The following PTK2B variants were observed in gnomAD, a reference collection of about 807,000 sequenced individuals.
PTK2B encodes protein tyrosine kinase 2 beta.
Under a neutral mutation model 142.9 loss-of-function variants are expected in PTK2B, and 71 were observed. That is an observed-to-expected ratio of 0.50 (90% CI 0.41 to 0.61). The LOEUF (loss-of-function observed/expected upper bound fraction) is 0.61. Among genes scored for constraint, PTK2B ranks in the 20% least tolerant of loss-of-function variants. The pLI is 0.00. For synonymous variants in PTK2B, 519 were observed against 503.4 expected (o/e 1.03, Z -0.42); for missense variants, 1,105 against 1,320.4 (o/e 0.84, Z 2.53).
At chr8:27,374,029 G>A (rs1806516886) in intron 1 of PTK2B, among the ~76,000 whole-genome samples, 1 of 152,016 alleles carries the variant, frequency 6.6e-6, no homozygotes, top group African/African-American at 2.4e-5. Context: ...GACCAAAGCA[G>A]TGAGAAAGCA....
intron 1 of PTK2B, among the ~76,000 whole-genome samples, chr8:27,373,264 T>G (rs1178563415): frequency 1.3e-5 from 2 of 152,126 alleles, no homozygotes; most frequent in African/African-American, 4.8e-5. Context: ...TGAGTCTGTG[T>G]TCAAAGCACA....
Position 27,405,035 on chromosome 8 carries a change from C to CCTCT in PTK2B, c.204+7278_204+7281dup, listed in dbSNP as rs3076734. ...CTCCCTCCCTTCCTCTCTTTCTCTTCCTCTCTCTCTCTCTCTCTCTCTCTC... is the reference window on the plus strand; with the variant it reads ...CTCCCTCCCTTCCTCTCTTTCTCTTCCTCTCTCTCTCTCTCTCTCTCTCTCTCTC... On this transcript the variant is annotated intron_variant, in intron 2 of 30. Transcript: ENST00000346049. 8.2e-3 allele frequency among the ~76,000 whole-genome samples: 983 copies of CCTCT among 119,592 alleles called. 20 individuals carry two copies. The highest frequency in any genetic ancestry group is 0.025 in the South Asian group (82 of 3,250). The allele number at this position is 119,592 out of a possible 152,430, so 78.5% of individuals were successfully genotyped here.
intron 1 of PTK2B, among the ~76,000 whole-genome samples, chr8:27,361,239 T>C (rs1805682622): frequency 6.6e-6 from 1 of 152,124 alleles, no homozygotes; most frequent in African/African-American, 2.4e-5. Context: ...GTTTATTTGA[T>C]ATAGGGTCTT....
At position 27,437,484 on chromosome 8, in the gene PTK2B, T is replaced by A; in HGVS notation, c.1515T>A (p.Tyr505Ter). 1 of 1,610,154 alleles carries A rather than the reference T, an allele frequency of 6.2e-7. No homozygotes were observed. Among genetic ancestry groups the A allele is most frequent in the Non-Finnish European group, 8.5e-7 (1 of 1,177,986 alleles). The change falls in exon 17 of 31, where the codon TAT becomes TAA. Residue 505 changes from tyrosine to a stop codon, truncating the protein, a stop_gained. Transcript: ENST00000346049. LOFTEE classifies it high-confidence loss of function. ...EEPTWIIMEL[Y>*]PYGELGHYLE... ...CCACCTGGATCATCATGGAATTGTA[T>A]CCCTATGGGGAGGTGAGCTGGAGGA...
chr8:27,454,431 G>A lies in PTK2B; in HGVS notation c.2734-100G>A, dbSNP rs188891696. On this transcript the variant is annotated intron_variant, in intron 29 of 30. Transcript: ENST00000346049. ...AGGGGAATTGAGTCCCAGGCCACTC[G>A]CGGGGGACAAGCACCACCCCAGGAG... 1,206 of 1,550,024 alleles carry A rather than the reference G, an allele frequency of 7.8e-4. 2 individuals are homozygous for A. The highest frequency in any genetic ancestry group is 1.0e-3 in the Non-Finnish European group (1,146 of 1,128,602).
In PTK2B at chr8:27,422,325, C is replaced by T. The variant is rs923237640; in HGVS notation, c.493C>T (p.Arg165Cys). The T allele has an allele frequency of 5.6e-6, 9 of 1,613,670 alleles. No individual in the cohort carries two copies. The South Asian group carries it at 7.7e-5, about 14-fold the overall frequency. ...CCAGCTCCGGAACGACTACATGCAGCGCTACGCCAGCAAGGTCAGCGAGGG... is the reference window on the plus strand; with the variant it reads ...CCAGCTCCGGAACGACTACATGCAGTGCTACGCCAGCAAGGTCAGCGAGGG... ...YQQLRNDYMQ[R>C]YASKVSEGMA... Residue 165 changes from arginine (R) to cysteine (C), a missense_variant, in exon 5 of 31, where the codon CGC (arginine) becomes TGC (cysteine). Transcript: ENST00000346049.
At chr8:27,447,389 C>T (rs1007117527) in intron 24 of PTK2B, among the ~76,000 whole-genome samples, 2 of 152,168 alleles carry the variant, frequency 1.3e-5, no homozygotes, top group Non-Finnish European at 2.9e-5. Context: ...TAATAGGCTC[C>T]TCACAAAGCA....
intron 1 of PTK2B, among the ~76,000 whole-genome samples, chr8:27,367,962 G>A (rs1431419054): frequency 2.0e-5 from 3 of 152,206 alleles, no homozygotes; most frequent in Non-Finnish European, 2.9e-5. Context: ...CATCTAAACC[G>A]TATCAGGGTC....
chr8:27,346,148 G>T (rs906357959), intron 1 of PTK2B, among the ~76,000 whole-genome samples: 1 of 152,230 alleles, frequency 6.6e-6, no homozygotes, highest in Admixed American at 6.5e-5. Context: ...CAGGTAGTTT[G>T]CCCTCTTTGA....
rs946553306 is a variant in PTK2B, at chr8:27,452,865, G to T, written c.2549-249G>T. 16 of 562,052 alleles carry T rather than the reference G, an allele frequency of 2.8e-5. No homozygotes were observed. The East Asian group carries it at 3.5e-4, about 12-fold the overall frequency. 34.8% of individuals were successfully genotyped at this position (562,052 alleles called of 1,614,324 possible). A position where few individuals can be genotyped will look rare whatever the true frequency, so the allele number is the denominator to read the frequency against. On this transcript the variant is annotated intron_variant, in intron 27 of 30. Transcript: ENST00000346049. Reference sequence around the variant, plus strand: ...CCCAAGCCAGAGCTGGGGCACCACTGCAATCCCCCCATCTTGCTGGGACTT... The same window carrying T: ...CCCAAGCCAGAGCTGGGGCACCACTTCAATCCCCCCATCTTGCTGGGACTT...
chr8:27,381,398 C>CT (rs1293532872), intron 1 of PTK2B, among the ~76,000 whole-genome samples: 3 of 152,204 alleles, frequency 2.0e-5, no homozygotes, highest in Admixed American at 2.0e-4. Context: ...GTGAGCTCAA[C>CT]TTTTTTAGCT....
At chr8:27,428,108 A>G (rs1040267004) in intron 5 of PTK2B, among the ~76,000 whole-genome samples, 10 of 152,206 alleles carry the variant, frequency 6.6e-5, no homozygotes, top group Admixed American at 2.0e-4. Flanking sequence ...GTGACTGATC[A>G]TCAAGCATTA....
At chr8:27,318,955 G>C (rs73241447) in intron 3 of PTK2B, among the ~76,000 whole-genome samples, 16 of 150,840 alleles carry the variant, frequency 1.1e-4, no homozygotes, top group Non-Finnish European at 1.2e-4. Context: ...CTGGCCTTTC[G>C]TGTTGTTCTT....
chr8:27,382,642 A>G (rs565034072), intron 1 of PTK2B, among the ~76,000 whole-genome samples: 31 of 152,218 alleles, frequency 2.0e-4, no homozygotes, highest in Non-Finnish European at 3.4e-4. Context: ...GCCCAGACCA[A>G]TGTCCCGAAG....
intron 15 of PTK2B, among the ~76,000 whole-genome samples, chr8:27,436,571 G>C (rs1346772250): frequency 6.6e-6 from 1 of 152,058 alleles, no homozygotes; most frequent in Non-Finnish European, 1.5e-5. Context: ...CAGGGGTGGA[G>C]ATATAGGCAG....
In PTK2B at chr8:27,404,008, C is replaced by T. The variant is rs1464392766; in HGVS notation, c.204+6220C>T. Among the ~76,000 whole-genome samples the T allele has an allele frequency of 2.0e-5, 3 of 147,478 alleles. No homozygotes were observed. The East Asian group carries it at 5.9e-4, about 29-fold the overall frequency. ...TCCTTTCCCTCTCCTTTCTCTTCTTCTCAAGCCATATGTCCTGATTTGTCT... is the reference window on the plus strand; with the variant it reads ...TCCTTTCCCTCTCCTTTCTCTTCTTTTCAAGCCATATGTCCTGATTTGTCT... On this transcript the variant is annotated intron_variant, in intron 2 of 30. Coordinates refer to ENST00000346049, the MANE Select transcript of PTK2B (RefSeq NM_173176.3).
chr8:27,342,823 C>T (rs1048446286), intron 1 of PTK2B, among the ~76,000 whole-genome samples: 13 of 152,330 alleles, frequency 8.5e-5, no homozygotes, highest in South Asian at 8.3e-4. Context: ...TCCTTTATCC[C>T]CCCTCAGTGG....
chr8:27,444,542 C>G (rs932445520), intron 23 of PTK2B, among the ~76,000 whole-genome samples: 2 of 152,206 alleles, frequency 1.3e-5, no homozygotes, highest in Non-Finnish European at 2.9e-5. Context: ...CTGCTGCTCT[C>G]TCCCCACATC....
chr8:27,440,613 C>T (rs914767980), intron 21 of PTK2B, among the ~76,000 whole-genome samples, 172 bp downstream of exon 21: 2 of 152,144 alleles, frequency 1.3e-5, no homozygotes, highest in Non-Finnish European at 2.9e-5. Flanking sequence ...ATAAGGCAGC[C>T]GTGGGGAAGC....
Sources: gnomAD v4.1 joint callset for allele counts (sites outside exome capture counted in the v4.1 genomes callset) on GRCh38, gnomAD v4.1.1 for gene constraint, MANE v1.5 for transcripts, NCBI Gene and HGNC (gene_info 2026-07-23, HGNC 2026-07-21) for gene names.